Variants in DPYS observed in about 807,000 individuals in gnomAD.
DPYS encodes the protein dihydropyrimidine amidohydrolase.
In DPYS, 39 loss-of-function variants were observed where a neutral mutation model predicts 50.3. That is an observed-to-expected ratio of 0.78 (90% CI 0.60 to 1.01). The LOEUF (loss-of-function observed/expected upper bound fraction) is 1.01. Ranked by LOEUF, DPYS falls within the 50% of genes least tolerant of loss-of-function variation. The probability of loss-of-function intolerance (pLI) is 0.00; values close to 1 mark genes in which losing one functional copy is unlikely to be tolerated. For synonymous variants in DPYS, 245 were observed against 250.7 expected, an observed-to-expected ratio of 0.98 and a Z score of 0.22; for missense variants, 659 against 680.9, an observed-to-expected ratio of 0.97 and a Z score of 0.36.
Position 104,389,424 on chromosome 8 carries a change from A to G in DPYS, c.1443+3360T>C, listed in dbSNP as rs550862274. 1.9e-3 allele frequency among the ~76,000 whole-genome samples: 283 copies of G among 152,348 alleles called. 1 individual carries two copies. Among genetic ancestry groups the G allele is most frequent in the Admixed American group, 3.9e-3 (59 of 15,298 alleles). ...ATGCCATAGGGAACCATCTCCAGACAGTTCCCAAACCTCATTTCATTTTAT... is the reference window on the plus strand; with the variant it reads ...ATGCCATAGGGAACCATCTCCAGACGGTTCCCAAACCTCATTTCATTTTAT... On this transcript the variant is annotated intron_variant, in intron 8 of 9. Transcript: ENST00000351513.
At chr8:104,414,309 G>A (rs1438096910) in intron 7 of DPYS, among the ~76,000 whole-genome samples, 2 of 152,154 alleles carry the variant, frequency 1.3e-5, no homozygotes, top group East Asian at 3.9e-4. Context: ...CTCTAAACCA[G>A]TGTTTCTCAA....
In DPYS at chr8:104,410,290, T is replaced by C. The variant is rs141542342; in HGVS notation, c.1235+13957A>G. ...CTACAATAGCCTCCTGACCATTCTC[T>C]GTGAGTCCAATCCATCCTACACACT... is the stretch of plus-strand genomic sequence containing the variant. On this transcript the variant is annotated intron_variant, in intron 7 of 9. Coordinates refer to ENST00000351513, the MANE Select transcript of DPYS (RefSeq NM_001385.3). Among the ~76,000 whole-genome samples the C allele has an allele frequency of 2.9e-3, 437 of 152,262 alleles. 4 individuals carry two copies. The highest frequency in any genetic ancestry group is 8.4e-3 in the African/African-American group (348 of 41,544).
chr8:104,395,694 C>T (rs1811559034), intron 7 of DPYS, among the ~76,000 whole-genome samples: 1 of 152,134 alleles, frequency 6.6e-6, no homozygotes, highest in Non-Finnish European at 1.5e-5. Flanking sequence ...TACATTCACC[C>T]ACTGAAGGCC....
At chr8:104,439,064 TAAAA>T (rs766605786) in intron 4 of DPYS, among the ~76,000 whole-genome samples, 50 of 102,356 alleles carry the variant, frequency 4.9e-4, no homozygotes, top group African/African-American at 1.7e-3. Context: ...GCCTCTTAAA[TAAAA>T]AAAAAAAAAG....
chr8:104,444,340 A>G lies in DPYS; in HGVS notation c.701T>C (p.Ile234Thr). 3 of 1,614,260 alleles carry G rather than the reference A, an allele frequency of 1.9e-6. No homozygotes were observed. The highest frequency in any genetic ancestry group is 2.5e-6 in the Non-Finnish European group (3 of 1,180,050). The change falls in exon 4 of 10, where the codon ATC becomes ACC. Residue 234 changes from isoleucine to threonine, a missense_variant. Coordinates refer to ENST00000351513, the MANE Select transcript of DPYS (RefSeq NM_001385.3). ...AVEAEATLRA[I>T]TIASAVNCPL... ...ACAGTTCACAGCGCTGGCTATGGTG[A>G]TGGCTCTCAGCGTGGCCTCTGCCTC...
At chr8:104,444,482 T>C in intron 3 of DPYS, 45 bp from the exon 4 acceptor site, 1 of 1,601,240 alleles carries the variant, frequency 6.2e-7, no homozygotes, top group Non-Finnish European at 8.5e-7. Context: ...GAAGGTTTAC[T>C]AATGACAGAT....
chr8:104,381,487 G>C (rs1352833091), intron 8 of DPYS, 173 bp from the exon 9 acceptor site: 5 of 629,816 alleles, frequency 7.9e-6, no homozygotes, highest in Non-Finnish European at 1.1e-5. Context: ...TGAGAATCTG[G>C]ATTGTCCCAC....
intron 1 of DPYS, among the ~76,000 whole-genome samples, chr8:104,463,443 C>T (rs948966821): frequency 6.6e-6 from 1 of 152,152 alleles, no homozygotes; most frequent in Non-Finnish European, 1.5e-5. Context: ...TATCACTTGC[C>T]ACCCTGACAA....
chr8:104,424,006 G>C (rs1812637131), intron 7 of DPYS: 2 of 985,222 alleles, frequency 2.0e-6, no homozygotes, highest in Non-Finnish European at 2.4e-6. Flanking sequence ...ATTCATATTG[G>C]TTTTATATAC....
At chr8:104,451,498 C>A (rs112046722) in intron 1 of DPYS, 94 bp from the exon 2 acceptor site, 39,360 of 1,517,902 alleles carry the variant, frequency 0.026, 662 homozygotes, top group South Asian at 0.054. Flanking sequence ...AGCACTTGGG[C>A]AAACTCGATG....
At chr8:104,408,341 CAAAT>C (rs1369671729) in intron 7 of DPYS, among the ~76,000 whole-genome samples, 1 of 152,018 alleles carries the variant, frequency 6.6e-6, no homozygotes, top group Non-Finnish European at 1.5e-5. Context: ...AATAAAGACA[CAAAT>C]AATATTATGT....
chr8:104,381,568 C>CG (rs1811041747), intron 8 of DPYS, among the ~76,000 whole-genome samples: 1 of 152,160 alleles, frequency 6.6e-6, no homozygotes, highest in African/African-American at 2.4e-5. Flanking sequence ...CATATCCTCA[C>CG]GCCCTTCTGA....
At chr8:104,383,231 T>C (rs1811113123) in intron 8 of DPYS, among the ~76,000 whole-genome samples, 1 of 152,236 alleles carries the variant, frequency 6.6e-6, no homozygotes, top group Non-Finnish European at 1.5e-5. Flanking sequence ...TGCTTTTGCA[T>C]GGGCTGGGCT....
chr8:104,454,681 T>A (rs1813864653), intron 1 of DPYS, among the ~76,000 whole-genome samples: 1 of 152,166 alleles, frequency 6.6e-6, no homozygotes, highest in South Asian at 2.1e-4. Flanking sequence ...TAATAACAGG[T>A]AGCAAGTCTA....
chr8:104,388,788 T>C (rs1474112640), intron 8 of DPYS, among the ~76,000 whole-genome samples: 3 of 152,230 alleles, frequency 2.0e-5, no homozygotes, highest in Non-Finnish European at 4.4e-5. Flanking sequence ...AAACGTCTTC[T>C]CTTTCCTTTG....
chr8:104,457,734 T>C (rs879905249), intron 1 of DPYS, among the ~76,000 whole-genome samples: 5 of 152,208 alleles, frequency 3.3e-5, no homozygotes, highest in Non-Finnish European at 5.9e-5. Flanking sequence ...TCCCAACGTC[T>C]GTCCCAAATC....
chr8:104,443,285 A>G (rs1421081532), intron 4 of DPYS, among the ~76,000 whole-genome samples: 2 of 152,134 alleles, frequency 1.3e-5, no homozygotes, highest in African/African-American at 4.8e-5. Flanking sequence ...GCTTATCAAA[A>G]ATAGGAGATT....
chr8:104,439,028 C>T (rs377713314), intron 4 of DPYS, among the ~76,000 whole-genome samples: 1 of 151,446 alleles, frequency 6.6e-6, no homozygotes, highest in Non-Finnish European at 1.5e-5. Flanking sequence ...GTGTTCTTGC[C>T]ACTGCAAGAT....
intron 4 of DPYS, among the ~76,000 whole-genome samples, chr8:104,440,211 G>A (rs990061425): frequency 1.2e-4 from 19 of 152,294 alleles, no homozygotes; most frequent in Admixed American, 1.1e-3. Context: ...TCTGGATATA[G>A]AGCTGGCAAT....
Sources: gnomAD v4.1 joint callset for allele counts (sites outside exome capture counted in the v4.1 genomes callset) on GRCh38, gnomAD v4.1.1 for gene constraint, MANE v1.5 for transcripts, NCBI Gene and HGNC (gene_info 2026-07-23, HGNC 2026-07-21) for gene names.